DMD: variants seen among roughly 807,000 people sequenced by gnomAD.
The protein encoded by DMD is mutant dystrophin.
DMD carries 63 observed loss-of-function variants against 330.1 expected under a neutral mutation model. That is an observed-to-expected ratio of 0.19 (90% confidence interval 0.16 to 0.24). The LOEUF (loss-of-function observed/expected upper bound fraction) is 0.24. Among genes scored for constraint, DMD ranks in the 10% least tolerant of loss-of-function variants. The pLI is 1.00. For synonymous variants in DMD, 1,223 were observed against 959.8 expected (o/e 1.27, Z -5.07); for missense variants, 3,344 against 2,684.1 (o/e 1.25, Z -5.43).
chrX:32,872,677 A>G (rs1569537327), intron 2 of DMD, among the ~76,000 whole-genome samples: 1 of 112,287 alleles, frequency 8.9e-6, no homozygotes, highest in African/African-American at 3.2e-5. Context: ...AAAAGGGAAG[A>G]ATTACAGATA....
intron 4 of DMD, among the ~76,000 whole-genome samples, chrX:32,832,169 G>A (rs990147159): frequency 1.8e-5 from 2 of 111,106 alleles, no homozygotes; most frequent in Non-Finnish European, 3.8e-5. Flanking sequence ...AAGGGAGGGG[G>A]ATAAGGGTAA....
intron 55 of DMD, among the ~76,000 whole-genome samples, chrX:31,622,322 T>TAC (rs755307893): frequency 1.1e-4 from 12 of 108,219 alleles, no homozygotes; most frequent in Non-Finnish European, 2.3e-4. Flanking sequence ...CACACACAAA[T>TAC]ACACACACAC....
At chrX:32,323,400 T>A (rs1345512836) in intron 41 of DMD, among the ~76,000 whole-genome samples, 2 of 111,781 alleles carry the variant, frequency 1.8e-5, no homozygotes, top group Non-Finnish European at 3.8e-5. Context: ...AAATACACCT[T>A]GTGTCGTTTG....
rs1394697464 is a variant in DMD at position 33,098,444 on chromosome X, T to C, written c.32-78244A>G. 2.7e-5 allele frequency among the ~76,000 whole-genome samples: 3 copies of C among 111,339 alleles called. No individual in the cohort carries two copies. In the East Asian group the frequency reaches 8.5e-4, roughly 31 times the overall value. Reference sequence around the variant, plus strand: ...TCTGCTTGAATGGGTCTGCTGTCATTGGATGTGGTATAAAAATTGTGAGGA... The same window carrying C: ...TCTGCTTGAATGGGTCTGCTGTCATCGGATGTGGTATAAAAATTGTGAGGA... On this transcript the variant is annotated intron_variant, in intron 1 of 78. Transcript: ENST00000357033.
intron 29 of DMD, among the ~76,000 whole-genome samples, chrX:32,426,774 G>A (rs2098214699): frequency 1.8e-5 from 2 of 111,780 alleles, no homozygotes; most frequent in South Asian, 7.5e-4. Flanking sequence ...ACACTACGCA[G>A]CCACAAAAAG....
At position 32,908,834 on chromosome X, in the gene DMD, G is replaced by T. The variant is rs766340336; in HGVS notation, c.94-59014C>A. Among the ~76,000 whole-genome samples, 7 of 111,573 alleles carry T rather than the reference G, an allele frequency of 6.3e-5. No homozygotes were observed. In the East Asian group the frequency reaches 1.7e-3, roughly 27 times the overall value. On this transcript the variant is annotated intron_variant, in intron 2 of 78. Transcript: ENST00000357033. ...TGATATTTTAAAAATTCCGTGTCATGCCAATTATGTGAACCTATGCTGGTT... is the reference window on the plus strand; with the variant it reads ...TGATATTTTAAAAATTCCGTGTCATTCCAATTATGTGAACCTATGCTGGTT...
At chrX:32,632,010 G>A (rs772910658) in intron 11 of DMD, among the ~76,000 whole-genome samples, 11 of 111,285 alleles carry the variant, frequency 9.9e-5, no homozygotes, top group South Asian at 3.8e-4. Context: ...TCAAAAGTCC[G>A]GAGTCTCATC....
chrX:31,182,646 A>G, intron 68 of DMD, 92 bp downstream of exon 68: 1 of 920,856 alleles, frequency 1.1e-6, no homozygotes, highest in Non-Finnish European at 1.6e-6. Flanking sequence ...GGTACGAACT[A>G]ACAGCAACTG....
At chrX:31,364,356 C>A (rs186036519) in intron 60 of DMD, among the ~76,000 whole-genome samples, 1 of 111,903 alleles carries the variant, frequency 8.9e-6, no homozygotes, top group Non-Finnish European at 1.9e-5. Flanking sequence ...AGTCTTTAAG[C>A]TCTCGGGTCA....
At chrX:31,401,623 TAC>T (rs960078912) in intron 60 of DMD, among the ~76,000 whole-genome samples, 7 of 111,417 alleles carry the variant, frequency 6.3e-5, no homozygotes, top group East Asian at 5.6e-4. Context: ...TGCCCAAGGT[TAC>T]ACAGTTTCTA....
chrX:31,679,561 A>C lies in DMD; in HGVS notation c.7686T>G (p.Asp2562Glu), dbSNP rs2082263362. 1 of 1,210,783 alleles carries C rather than the reference A, an allele frequency of 8.3e-7. No homozygotes were observed. Among genetic ancestry groups the C allele is most frequent in the Non-Finnish European group, 1.1e-6 (1 of 894,507 alleles). Residue 2562 changes from aspartate to glutamate, a missense_variant, in exon 53 of 79, where the codon GAT becomes GAG. Physicochemically the swap from Asp to Glu is conservative, Grantham distance 45 (BLOSUM62 2). Transcript: ENST00000357033. Reference sequence around the variant, plus strand: ...GGTTCTGAAGGTGTTCTTGTACTTCATCCCACTGATTCTGAATTCTTTCAA... The same window carrying C: ...GGTTCTGAAGGTGTTCTTGTACTTCCTCCCACTGATTCTGAATTCTTTCAA... ...DRIERIQNQW[D>E]EVQEHLQNRR...
intron 60 of DMD, among the ~76,000 whole-genome samples, chrX:31,379,102 GT>G (rs2060028516): frequency 9.1e-6 from 1 of 109,535 alleles, no homozygotes; most frequent in South Asian, 4.0e-4. Flanking sequence ...CCTCCCACCT[GT>G]CCCCTCAGTC....
intron 45 of DMD, among the ~76,000 whole-genome samples, chrX:31,940,247 GAGA>G (rs1211477673): frequency 8.9e-6 from 1 of 111,809 alleles, no homozygotes; most frequent in Non-Finnish European, 1.9e-5. Context: ...AGGTTCCATG[GAGA>G]AGGAGACATT....
rs191581886 is a variant in DMD at position 32,316,590 on chromosome X, G to T, written c.5923-6314C>A. On this transcript the variant is annotated intron_variant, in intron 41 of 78. Coordinates refer to ENST00000357033, the MANE Select transcript of DMD (RefSeq NM_004006.3). ...GGGTTGATCCTGTGAACTTTCTTGA[G>T]AAATAGAAATATTCCAAAATAACTT... 3.6e-5 allele frequency among the ~76,000 whole-genome samples: 4 copies of T among 111,410 alleles called. No homozygotes were observed. The East Asian group carries it at 1.1e-3, about 32-fold the overall frequency.
At chrX:32,619,464 T>TA (rs1488728790) in intron 11 of DMD, among the ~76,000 whole-genome samples, 3 of 111,677 alleles carry the variant, frequency 2.7e-5, no homozygotes, top group Admixed American at 9.5e-5. Flanking sequence ...ATTCCCACCA[T>TA]AAAAATGATA....
At chrX:32,636,094 T>A (rs2146683398) in intron 11 of DMD, among the ~76,000 whole-genome samples, 1 of 112,252 alleles carries the variant, frequency 8.9e-6, no homozygotes, top group East Asian at 2.8e-4. Context: ...TAGTTTCCAT[T>A]GGAGAATGAA....
At chrX:32,113,949 T>A (rs2096599270) in intron 44 of DMD, among the ~76,000 whole-genome samples, 1 of 78,397 alleles carries the variant, frequency 1.3e-5, no homozygotes, top group Non-Finnish European at 2.5e-5. Flanking sequence ...TTTCTAATAT[T>A]TTCTTGTTTT....
chrX:33,300,230 T>A (rs1305824261), intron 1 of DMD, among the ~76,000 whole-genome samples: 3 of 112,526 alleles, frequency 2.7e-5, no homozygotes, highest in Non-Finnish European at 5.6e-5. Flanking sequence ...ACATGCAAAT[T>A]AGCAAATATT....
At chrX:32,858,217 TAC>T (rs2081753062) in intron 2 of DMD, among the ~76,000 whole-genome samples, 1 of 112,499 alleles carries the variant, frequency 8.9e-6, no homozygotes, top group Non-Finnish European at 1.9e-5. Flanking sequence ...CAGTATAAAT[TAC>T]ACAGTGCCTG....
Sources: allele counts gnomAD v4.1 joint callset (sites outside exome capture counted in the v4.1 genomes callset), GRCh38; gene constraint gnomAD v4.1.1; transcripts MANE v1.5; gene names NCBI Gene and HGNC (gene_info 2026-07-23, HGNC 2026-07-21).